ANKRD23: variants seen among roughly 807,000 people sequenced by gnomAD.
The protein encoded by ANKRD23 is ankyrin repeat domain-containing protein 23.
In ANKRD23, 52 loss-of-function variants were observed where a neutral mutation model predicts 38.1. The observed-to-expected ratio is 1.36, with a 90% CI of 1.09 to 1.72. The LOEUF (loss-of-function observed/expected upper bound fraction) is 1.72, where lower values mean the gene tolerates loss of function less well. ANKRD23 is among the 40% of genes most tolerant of loss of function. The pLI is 0.00. For synonymous variants in ANKRD23, 167 were observed against 162.9 expected (o/e 1.03, Z -0.19); for missense variants, 416 against 400.2 (o/e 1.04, Z -0.34).
rs935904281 is a variant in ANKRD23, at chr2:96,839,301, C to T, written c.*248G>A. On this transcript the variant is annotated 3_prime_UTR_variant, in exon 9 of 9. Coordinates refer to ENST00000318357, the MANE Select transcript of ANKRD23 (RefSeq NM_144994.8). ...CATCTGGACCCGCGCTTTCTGCTGC[C>T]TTGTGGTCCTCTGCTCCAGCCCTGG... is the stretch of plus-strand genomic sequence containing the variant. 1.6e-6 allele frequency: 2 copies of T among 1,229,862 alleles called. No individual in the cohort carries two copies. Among genetic ancestry groups the T allele is most frequent in the African/African-American group, 3.1e-5 (2 of 64,054 alleles). The allele number at this position is 1,229,862 out of a possible 1,614,324, so 76.2% of individuals were successfully genotyped here.
Position 96,842,096 on chromosome 2 carries a change from G to C in ANKRD23, c.264C>G (p.His88Gln), listed in dbSNP as rs776581688. Residue 88 changes from histidine to glutamine, a missense_variant, in exon 3 of 9, where the codon CAC becomes CAG. Transcript: ENST00000318357. ...LVQRRKKRLR[H>Q]RVPPRKPEPL... Reference sequence around the variant, plus strand: ...GCTCAGGTTTCCTGGGGGGGACTCTGTGTCTCAGTCGCTTTTTCCGTCTTT... The same window carrying C: ...GCTCAGGTTTCCTGGGGGGGACTCTCTGTCTCAGTCGCTTTTTCCGTCTTT... 1 of 1,614,170 alleles carries C rather than the reference G, an allele frequency of 6.2e-7. No homozygotes were observed. The highest frequency in any genetic ancestry group is 1.7e-5 in the Admixed American group (1 of 60,030).
intron 4 of ANKRD23, 64 bp from the exon 5 acceptor site, chr2:96,840,578 C>T: frequency 1.9e-6 from 3 of 1,575,940 alleles, no homozygotes; most frequent in Non-Finnish European, 2.6e-6. Context: ...CCCACGCGGT[C>T]CCCTTCCCAG....
intron 3 of ANKRD23, among the ~76,000 whole-genome samples, chr2:96,841,625 A>AAT (rs1183527460): frequency 6.8e-6 from 1 of 146,000 alleles, no homozygotes; most frequent in African/African-American, 2.6e-5. Flanking sequence ...AAAAAAAAAA[A>AAT]GTTGGGGGAG....
intron 3 of ANKRD23, among the ~76,000 whole-genome samples, chr2:96,841,504 C>A (rs2079760245): frequency 6.8e-6 from 1 of 147,024 alleles, no homozygotes. Context: ...GAGGCTGAGG[C>A]AGGAGAATGG....
At chr2:96,842,607 G>T in intron 1 of ANKRD23, 96 bp from the exon 2 acceptor site, 1 of 1,433,598 alleles carries the variant, frequency 7.0e-7, no homozygotes. Context: ...TATAAGGGCA[G>T]ATGTCACAAG....
chr2:96,839,614 C>G lies in ANKRD23; in HGVS notation c.853G>C (p.Asp285His), dbSNP rs549596954. Residue 285 changes from aspartate to histidine, a missense_variant, in exon 9 of 9, where the codon GAC becomes CAC. Transcript: ENST00000318357. The stretch of plus-strand genomic sequence containing the variant: ...GCCTCCCGGATGCCGCGCTGCCAGT[C>G]TCGAGCCAGCTGCACCGGGGTCACG... Reference protein sequence around the residue: ...ASVTPVQLARDWQRGIREALQ... With the variant: ...ASVTPVQLARHWQRGIREALQ... 71 of 1,498,110 alleles carry G rather than the reference C, an allele frequency of 4.7e-5. No individual in the cohort carries two copies. The East Asian group carries it at 1.0e-3, about 22-fold the overall frequency. The allele number at this position is 1,498,110 out of a possible 1,614,324, so 92.8% of individuals were successfully genotyped here.
chr2:96,841,798 G>A (rs1465332788), intron 3 of ANKRD23, among the ~76,000 whole-genome samples: 3 of 152,196 alleles, frequency 2.0e-5, no homozygotes, highest in African/African-American at 4.8e-5. Context: ...GAGGGAACCA[G>A]CCTCGCCAAC....
chr2:96,842,215 A>G (rs1473720649), intron 2 of ANKRD23, 30 bp from the exon 3 acceptor site: 1 of 1,613,434 alleles, frequency 6.2e-7, no homozygotes, highest in Admixed American at 1.7e-5. Context: ...CATGCCAGCC[A>G]TCAGCCGCTG....
chr2:96,843,665 C>T (rs1481799443), intron 1 of ANKRD23, among the ~76,000 whole-genome samples: 1 of 152,156 alleles, frequency 6.6e-6, no homozygotes, highest in Non-Finnish European at 1.5e-5. Flanking sequence ...ACATGAGAAC[C>T]GAGCAGACAC....
At position 96,838,477 on chromosome 2, in the gene ANKRD23, C is replaced by CT. The variant is rs2079718487; in HGVS notation, c.*1071dup. 1.5e-5 allele frequency: 15 copies of CT among 985,614 alleles called. No homozygotes were observed. Among genetic ancestry groups the CT allele is most frequent in the Non-Finnish European group, 1.7e-5 (14 of 830,152 alleles). 61.1% of individuals were successfully genotyped at this position (985,614 alleles called of 1,614,324 possible). On this transcript the variant is annotated 3_prime_UTR_variant, in exon 9 of 9. Transcript: ENST00000318357. ...GGGAGCAGGGAAGGGATGGGAAGGG[C>CT]TGGGGGGCGGCGGGGGCTCACCTTC...
chr2:96,839,635 T>C lies in ANKRD23; in HGVS notation c.832A>G (p.Thr278Ala). ...CAGTCTCGAGCCAGCTGCACCGGGG[T>C]CACGGAGGCCTGGGAGCAACGGTGT... ...ELGVRNAASV[T>A]PVQLARDWQR... Residue 278 changes from threonine (T) to alanine (A), a missense_variant, in exon 9 of 9, where the codon ACC becomes GCC. Physicochemically the swap from Thr to Ala is moderately conservative, Grantham distance 58. Coordinates refer to ENST00000318357, the MANE Select transcript of ANKRD23 (RefSeq NM_144994.8). 1 of 1,511,514 alleles carries C rather than the reference T, an allele frequency of 6.6e-7. No individual in the cohort carries two copies. The highest frequency in any genetic ancestry group is 8.9e-7 in the Non-Finnish European group (1 of 1,127,816). 93.6% of individuals were successfully genotyped at this position (1,511,514 alleles called of 1,614,324 possible).
In ANKRD23 at chr2:96,838,205, T is replaced by C. The variant is rs1432425790; in HGVS notation, c.*1344A>G. The C allele has an allele frequency of 7.9e-6, 3 of 380,756 alleles. No homozygotes were observed. The highest frequency in any genetic ancestry group is 2.2e-5 in the African/African-American group (1 of 45,580). The allele number at this position is 380,756 out of a possible 1,614,324, so 23.6% of individuals were successfully genotyped here. ...CCCAAAGGTAGACGAAAAGGAACCA[T>C]GGCCAAATGCCTATCAATCAGCCCG... On this transcript the variant is annotated 3_prime_UTR_variant, in exon 9 of 9. Transcript: ENST00000318357.
chr2:96,839,676 A>G, intron 8 of ANKRD23, 32 bp from the exon 9 acceptor site: 6 of 1,584,896 alleles, frequency 3.8e-6, no homozygotes, highest in Non-Finnish European at 5.2e-6. Flanking sequence ...AGTCCCTTGC[A>G]GGCGCTCCAC....
At chr2:96,840,116 G>A (rs1217577969) in intron 6 of ANKRD23, 21 bp from the exon 7 acceptor site, 4 of 1,550,896 alleles carry the variant, frequency 2.6e-6, no homozygotes, top group East Asian at 2.4e-5. Context: ...GTGGGGGTCA[G>A]TGCTGGGTCT....
In ANKRD23 at chr2:96,839,295, T is replaced by C. The variant is rs2079729239; in HGVS notation, c.*254A>G. 10 of 1,220,846 alleles carry C rather than the reference T, an allele frequency of 8.2e-6. No homozygotes were observed. In the Admixed American group the frequency reaches 3.2e-4, roughly 39 times the overall value. The allele number at this position is 1,220,846 out of a possible 1,614,324, so 75.6% of individuals were successfully genotyped here. On this transcript the variant is annotated 3_prime_UTR_variant, in exon 9 of 9. Transcript: ENST00000318357. ...GGCCCTCATCTGGACCCGCGCTTTC[T>C]GCTGCCTTGTGGTCCTCTGCTCCAG...
Position 96,839,647 on chromosome 2 carries a change from G to A in ANKRD23, c.823-3C>T. ...AGCTGCACCGGGGTCACGGAGGCCT[G>A]GGAGCAACGGTGTGGGTCAGTCCCT... On this transcript the variant is annotated splice_polypyrimidine_tract_variant and splice_region_variant and intron_variant, in intron 8 of 8. Transcript: ENST00000318357. The A allele has an allele frequency of 6.5e-7, 1 of 1,529,514 alleles. No individual in the cohort carries two copies. The highest frequency in any genetic ancestry group is 1.4e-5 in the African/African-American group (1 of 72,820). 94.7% of individuals were successfully genotyped at this position (1,529,514 alleles called of 1,614,324 possible).
Position 96,839,478 on chromosome 2 carries a change from G to A in ANKRD23, c.*71C>T, listed in dbSNP as rs541582267. The A allele has an allele frequency of 1.4e-6, 2 of 1,396,130 alleles. No individual in the cohort carries two copies. Among genetic ancestry groups the A allele is most frequent in the East Asian group, 2.7e-5 (1 of 36,514 alleles). 86.5% of individuals were successfully genotyped at this position (1,396,130 alleles called of 1,614,324 possible). A position where few individuals can be genotyped will look rare whatever the true frequency, so the allele number is the denominator to read the frequency against. On this transcript the variant is annotated 3_prime_UTR_variant, in exon 9 of 9. Transcript: ENST00000318357. Reference sequence around the variant, plus strand: ...GGCTGAGGGCAGGAACCACAGAGGTGCAGACGCGGGGGCGGGGCACAGGAT... The same window carrying A: ...GGCTGAGGGCAGGAACCACAGAGGTACAGACGCGGGGGCGGGGCACAGGAT...
At position 96,838,963 on chromosome 2, in the gene ANKRD23, C is replaced by T. The variant is rs560401753; in HGVS notation, c.*586G>A. 576 of 985,724 alleles carry T rather than the reference C, an allele frequency of 5.8e-4. 15 individuals are homozygous for T. Among genetic ancestry groups the T allele is most frequent in the Non-Finnish European group, 5.7e-5 (47 of 830,148 alleles). The allele number at this position is 985,724 out of a possible 1,614,324, so 61.1% of individuals were successfully genotyped here. A position where few individuals can be genotyped will look rare whatever the true frequency, so the allele number is the denominator to read the frequency against. On this transcript the variant is annotated 3_prime_UTR_variant, in exon 9 of 9. Transcript: ENST00000318357. ...CAAAGTTGTCTAGAGCCGCTCCGGA[C>T]ACTGCCAGGGTTGCTACTGACAGGA...
intron 4 of ANKRD23, 54 bp from the exon 5 acceptor site, chr2:96,840,568 C>A: frequency 6.3e-7 from 1 of 1,584,122 alleles, no homozygotes. Context: ...CCCTAGAGAC[C>A]CCACGCGGTC....
Sources: allele counts gnomAD v4.1 joint callset (sites outside exome capture counted in the v4.1 genomes callset), GRCh38; gene constraint gnomAD v4.1.1; transcripts MANE v1.5; gene names NCBI Gene and HGNC (gene_info 2026-07-23, HGNC 2026-07-21).